Variants in TRDMT1 observed in about 807,000 individuals in gnomAD.
TRDMT1 encodes tRNA aspartic acid methyltransferase 1, also known as tRNA (cytosine(38)-C(5))-methyltransferase.
In TRDMT1, 49 loss-of-function variants were observed where a neutral mutation model predicts 51.2. That is an observed-to-expected ratio of 0.96 (90% CI 0.76 to 1.21). TRDMT1 has a LOEUF of 1.21. Ranked by LOEUF, TRDMT1 falls within the 50% of genes most tolerant of loss-of-function variation. The pLI is 0.00. For synonymous variants in TRDMT1, 187 were observed against 164.6 expected (o/e 1.14, Z -1.04); for missense variants, 534 against 462.3 (o/e 1.16, Z -1.42).
At chr10:17,183,071 A>C (rs1404339315) in intron 1 of TRDMT1, among the ~76,000 whole-genome samples, 1 of 152,220 alleles carries the variant, frequency 6.6e-6, no homozygotes, top group Admixed American at 6.5e-5. Flanking sequence ...CTACATCTGG[A>C]AATGTTCGCT....
chr10:17,149,266 T>A, intron 10 of TRDMT1, 126 bp from the exon 11 acceptor site: 1 of 712,028 alleles, frequency 1.4e-6, no homozygotes, highest in Non-Finnish European at 2.3e-6. Context: ...CTCCATGAAG[T>A]TTTATTAACA....
intron 10 of TRDMT1, chr10:17,150,256 A>T (rs1838511528): frequency 3.4e-6 from 1 of 298,174 alleles, no homozygotes; most frequent in African/African-American, 2.3e-5. Context: ...TAATGTGCTT[A>T]TTGGCCATTT....
chr10:17,146,726 A>G lies in TRDMT1; in HGVS notation c.*2314T>C. 1.0e-6 allele frequency: 1 copy of G among 985,464 alleles called. No homozygotes were observed. Among genetic ancestry groups the G allele is most frequent in the Non-Finnish European group, 1.2e-6 (1 of 829,930 alleles). 61.0% of individuals were successfully genotyped at this position (985,464 alleles called of 1,614,324 possible). On this transcript the variant is annotated 3_prime_UTR_variant, in exon 11 of 11. Coordinates refer to ENST00000377799, the MANE Select transcript of TRDMT1 (RefSeq NM_004412.7). The stretch of plus-strand genomic sequence containing the variant: ...TGTTTTCCAACATCTGAATAAATGT[A>G]CAAGTCCAAATATCAGGAAACAGAA...
intron 1 of TRDMT1, among the ~76,000 whole-genome samples, chr10:17,195,323 G>A (rs1163672692): frequency 1.3e-5 from 2 of 152,142 alleles, no homozygotes; most frequent in Non-Finnish European, 2.9e-5. Flanking sequence ...TGCATCTGGA[G>A]GCCATTATCC....
Position 17,138,337 on chromosome 10 carries a change from T to C in TRDMT1, c.*10703A>G, listed in dbSNP as rs1169235814. On this transcript the variant is annotated 3_prime_UTR_variant, in exon 11 of 11. Coordinates refer to ENST00000377799, the MANE Select transcript of TRDMT1 (RefSeq NM_004412.7). ...CATTCTCTTTTTCAGGGACGTAACA[T>C]TGCTTAAAAGATACATTTACATATG... Among the ~76,000 whole-genome samples, 1 of 152,200 alleles carries C rather than the reference T, an allele frequency of 6.6e-6. No homozygotes were observed. The highest frequency in any genetic ancestry group is 2.4e-5 in the African/African-American group (1 of 41,454).
intron 1 of TRDMT1, among the ~76,000 whole-genome samples, chr10:17,195,561 C>G (rs1009239059): frequency 2.0e-5 from 3 of 151,838 alleles, no homozygotes; most frequent in Non-Finnish European, 1.5e-5. Context: ...CACAATATAC[C>G]TAAGTAACAA....
At chr10:17,159,335 A>G in intron 6 of TRDMT1, 106 bp from the exon 7 acceptor site, 1 of 685,044 alleles carries the variant, frequency 1.5e-6, no homozygotes, top group East Asian at 2.7e-5. Context: ...ACGAGCCTAC[A>G]TTTAGCTTCT....
intron 1 of TRDMT1, among the ~76,000 whole-genome samples, chr10:17,187,473 T>C (rs1489598823): frequency 3.9e-5 from 6 of 152,180 alleles, no homozygotes; most frequent in African/African-American, 1.2e-4. Flanking sequence ...TCATGTACTA[T>C]AGCTTATTCA....
In TRDMT1 at chr10:17,144,007, C is replaced by A. The variant is rs1837893252; in HGVS notation, c.*5033G>T. 1.0e-6 allele frequency: 1 copy of A among 985,348 alleles called. No homozygotes were observed. The highest frequency in any genetic ancestry group is 4.7e-5 in the South Asian group (1 of 21,284). The allele number at this position is 985,348 out of a possible 1,614,324, so 61.0% of individuals were successfully genotyped here. A position where few individuals can be genotyped will look rare whatever the true frequency, so the allele number is the denominator to read the frequency against. ...TCTAGAATAGGACTTAGGAAAACAG[C>A]AGATTTAGAGTCATCTGGGTGTCAT... On this transcript the variant is annotated 3_prime_UTR_variant, in exon 11 of 11. Coordinates refer to ENST00000377799, the MANE Select transcript of TRDMT1 (RefSeq NM_004412.7).
chr10:17,148,920 TAAGG>T lies in TRDMT1; in HGVS notation c.*116_*119del. On this transcript the variant is annotated 3_prime_UTR_variant, in exon 11 of 11. Transcript: ENST00000377799. ...TTTTAATAAAATCCAAATTTCTTAA[TAAGG>T]ACAGATTAAAATAATTTAGTTAAAT... 1.5e-6 allele frequency: 2 copies of T among 1,337,604 alleles called. No homozygotes were observed. Among genetic ancestry groups the T allele is most frequent in the Non-Finnish European group, 1.9e-6 (2 of 1,033,438 alleles). The allele number at this position is 1,337,604 out of a possible 1,614,324, so 82.9% of individuals were successfully genotyped here.
At position 17,191,668 on chromosome 10, in the gene TRDMT1, C is replaced by T. The variant is rs906918568; in HGVS notation, c.64+9903G>A. ...ATGATGAGATGCCCTGCAGTAGAGA[C>T]GCTACTGGGTCTGAAATAGCACTTC... On this transcript the variant is annotated intron_variant, in intron 1 of 10. Transcript: ENST00000377799. Among the ~76,000 whole-genome samples the T allele has an allele frequency of 3.3e-5, 5 of 152,238 alleles. No individual in the cohort carries two copies. The South Asian group carries it at 6.2e-4, about 19-fold the overall frequency.
chr10:17,173,131 A>G (rs555480960), intron 2 of TRDMT1, among the ~76,000 whole-genome samples: 2 of 152,162 alleles, frequency 1.3e-5, no homozygotes, highest in Non-Finnish European at 2.9e-5. Context: ...TGGTAAAAAC[A>G]CTTCAAAAAC....
intron 5 of TRDMT1, among the ~76,000 whole-genome samples, chr10:17,160,746 C>T (rs1321388890): frequency 6.6e-6 from 1 of 152,188 alleles, no homozygotes; most frequent in Non-Finnish European, 1.5e-5. Context: ...GCTGGGATTA[C>T]AGGCGTGAGC....
intron 1 of TRDMT1, among the ~76,000 whole-genome samples, chr10:17,176,439 C>T (rs567730356): frequency 6.6e-6 from 1 of 152,004 alleles, no homozygotes; most frequent in Non-Finnish European, 1.5e-5. Context: ...TAAAAACTGA[C>T]AAAAATCAAC....
intron 1 of TRDMT1, among the ~76,000 whole-genome samples, chr10:17,185,075 A>G (rs11254443): frequency 0.14 from 20,835 of 152,150 alleles, 1,524 homozygotes; most frequent in Admixed American, 0.17. Context: ...AAGTACCCGC[A>G]CCATAGAATT....
At chr10:17,163,223 C>T (rs889918836) in intron 3 of TRDMT1, among the ~76,000 whole-genome samples, 3 of 152,054 alleles carry the variant, frequency 2.0e-5, no homozygotes, top group African/African-American at 7.2e-5. Flanking sequence ...GCAAATAGAT[C>T]CTACAAGAAA....
At chr10:17,167,195 C>T (rs944927941) in intron 3 of TRDMT1, among the ~76,000 whole-genome samples, 2 of 152,160 alleles carry the variant, frequency 1.3e-5, no homozygotes, top group Non-Finnish European at 2.9e-5. Flanking sequence ...AGGTGAACCA[C>T]AAATCCTTGG....
In TRDMT1 at chr10:17,146,497, TAATTG is replaced by T. The variant is rs1234178785; in HGVS notation, c.*2538_*2542del. ...CAACTATGACTCATTTTGTTTACAT[TAATTG>T]ATTTGGTCATCTCTTAGAATTAGTT... On this transcript the variant is annotated 3_prime_UTR_variant, in exon 11 of 11. Coordinates refer to ENST00000377799, the MANE Select transcript of TRDMT1 (RefSeq NM_004412.7). The T allele has an allele frequency of 2.0e-6, 2 of 985,268 alleles. No homozygotes were observed. The highest frequency in any genetic ancestry group is 3.5e-5 in the African/African-American group (2 of 57,252). 61.0% of individuals were successfully genotyped at this position (985,268 alleles called of 1,614,324 possible).
chr10:17,178,409 C>T (rs1327029321), intron 1 of TRDMT1, among the ~76,000 whole-genome samples: 1 of 152,150 alleles, frequency 6.6e-6, no homozygotes, highest in Non-Finnish European at 1.5e-5. Context: ...GGTGAGGTGG[C>T]TCACACCTGT....
Sources: allele counts gnomAD v4.1 joint callset (sites outside exome capture counted in the v4.1 genomes callset), GRCh38; gene constraint gnomAD v4.1.1; transcripts MANE v1.5; gene names NCBI Gene and HGNC (gene_info 2026-07-23, HGNC 2026-07-21).